CAMTA1: variants seen among roughly 807,000 people sequenced by gnomAD.
CAMTA1 encodes calmodulin-binding transcription activator 1.
Under a neutral mutation model 170.9 loss-of-function variants are expected in CAMTA1, and 27 were observed. The observed-to-expected ratio is 0.16, with a 90% confidence interval of 0.12 to 0.22. CAMTA1 has a LOEUF of 0.22. Ranked by LOEUF, CAMTA1 falls within the 10% of genes least tolerant of loss-of-function variation. The probability of loss-of-function intolerance (pLI) is 1.00; values close to 1 mark genes in which losing one functional copy is unlikely to be tolerated. For missense variants in CAMTA1, 1,619 were observed against 2,217.2 expected, an observed-to-expected ratio of 0.73 and a Z score of 5.42; for synonymous variants, 833 against 891.5, an observed-to-expected ratio of 0.93 and a Z score of 1.17.
intron 6 of CAMTA1, among the ~76,000 whole-genome samples, chr1:7,619,910 T>C: frequency 6.6e-6 from 1 of 152,074 alleles, no homozygotes. Context: ...TCGGGAGAAA[T>C]GAATTTTGAT....
At chr1:7,554,722 G>A (rs887215387) in intron 6 of CAMTA1, among the ~76,000 whole-genome samples, 1 of 152,008 alleles carries the variant, frequency 6.6e-6, no homozygotes, top group Non-Finnish European at 1.5e-5. Context: ...CACAAGCTGG[G>A]TTCTTCCTCC....
intron 5 of CAMTA1, among the ~76,000 whole-genome samples, chr1:7,267,206 T>C (rs2149384047): frequency 6.6e-6 from 1 of 152,294 alleles, no homozygotes; most frequent in Non-Finnish European, 1.5e-5. Flanking sequence ...TTTTTTCCCT[T>C]CTTGGAGTAG....
intron 5 of CAMTA1, among the ~76,000 whole-genome samples, chr1:7,447,339 G>A (rs2092705168): frequency 2.0e-5 from 3 of 151,696 alleles, no homozygotes; most frequent in Admixed American, 2.0e-4. Flanking sequence ...GACACCGTCT[G>A]GAGGGAGAGT....
At chr1:7,433,965 G>GGAC (rs1158498495) in intron 5 of CAMTA1, among the ~76,000 whole-genome samples, 2 of 152,136 alleles carry the variant, frequency 1.3e-5, no homozygotes, top group Non-Finnish European at 2.9e-5. Context: ...GGGCCCTGGT[G>GGAC]GACGGGGAAG....
In CAMTA1 at chr1:7,686,945, A is replaced by C. The variant is rs187577506; in HGVS notation, c.2914+9212A>C. 2.1e-4 allele frequency among the ~76,000 whole-genome samples: 32 copies of C among 152,168 alleles called. 1 individual carries two copies. Among genetic ancestry groups the C allele is most frequent in the Admixed American group, 8.5e-4 (13 of 15,280 alleles). ...TTTCCTGAGATGGAGAAGTCTGAAGAAGCAGCAAACCCAAGGGGATAGGGG... is the reference window on the plus strand; with the variant it reads ...TTTCCTGAGATGGAGAAGTCTGAAGCAGCAGCAAACCCAAGGGGATAGGGG... On this transcript the variant is annotated intron_variant, in intron 11 of 22. Transcript: ENST00000303635.
At chr1:7,538,321 C>T (rs773577671) in intron 6 of CAMTA1, among the ~76,000 whole-genome samples, 1 of 152,044 alleles carries the variant, frequency 6.6e-6, no homozygotes, top group Non-Finnish European at 1.5e-5. Context: ...GTCTCCAGGC[C>T]CCTGCAACTG....
intron 11 of CAMTA1, among the ~76,000 whole-genome samples, chr1:7,720,848 A>T (rs2096645047): frequency 1.3e-5 from 2 of 152,212 alleles, no homozygotes; most frequent in Admixed American, 6.5e-5. Flanking sequence ...GATGGCAGCC[A>T]GCCGGGCAGA....
At position 7,736,299 on chromosome 1, in the gene CAMTA1, A is replaced by G; in HGVS notation, c.3067-45A>G. 3 of 1,558,290 alleles carry G rather than the reference A, an allele frequency of 1.9e-6. No individual in the cohort carries two copies. The highest frequency in any genetic ancestry group is 2.6e-6 in the Non-Finnish European group (3 of 1,136,802). On this transcript the variant is annotated intron_variant, in intron 12 of 22. Transcript: ENST00000303635. This position sits in a 1 kb window ranked among gnomAD's most constrained non-coding sequence, Gnocchi z 4.5. ...CTACATCGAAGCGCTGATGGGGTCG[A>G]GGGCCTTTAGTCCTGAGGTCGTAAC... is the stretch of plus-strand genomic sequence containing the variant.
At chr1:7,555,849 G>A (rs11120972) in intron 6 of CAMTA1, among the ~76,000 whole-genome samples, 94,895 of 151,936 alleles carry the variant, frequency 0.62, 30,902 homozygotes, top group South Asian at 0.76. Flanking sequence ...ACCCAACCAC[G>A]TCCTGCATCT....
chr1:7,723,961 A>T (rs529444567), intron 11 of CAMTA1, among the ~76,000 whole-genome samples: 21 of 152,310 alleles, frequency 1.4e-4, no homozygotes, highest in African/African-American at 4.6e-4. Flanking sequence ...CTGGGATTAC[A>T]GGTGCCCACC....
chr1:7,389,989 A>G (rs552238550), intron 5 of CAMTA1, among the ~76,000 whole-genome samples: 2 of 152,302 alleles, frequency 1.3e-5, no homozygotes, highest in South Asian at 2.1e-4. Flanking sequence ...GATGCTGCAC[A>G]ATAACTTTTA....
intron 17 of CAMTA1, among the ~76,000 whole-genome samples, chr1:7,745,506 A>G (rs2096850812): frequency 1.3e-5 from 2 of 152,204 alleles, no homozygotes; most frequent in Non-Finnish European, 2.9e-5. Flanking sequence ...AGTCTGCGCA[A>G]CAGAGCAAGA....
intron 16 of CAMTA1, among the ~76,000 whole-genome samples, chr1:7,744,107 G>T (rs1259596367): frequency 1.4e-5 from 2 of 143,440 alleles, no homozygotes; most frequent in African/African-American, 5.2e-5. Context: ...GATTACAGGC[G>T]TGAGCCACTG....
chr1:7,121,680 C>T (rs1365904433), intron 4 of CAMTA1, among the ~76,000 whole-genome samples: 3 of 152,240 alleles, frequency 2.0e-5, no homozygotes, highest in African/African-American at 7.2e-5. Flanking sequence ...TGCTCTTCCA[C>T]TGTGCCTGCT....
At chr1:7,551,167 A>C (rs2094796265) in intron 6 of CAMTA1, among the ~76,000 whole-genome samples, 1 of 152,214 alleles carries the variant, frequency 6.6e-6, no homozygotes, top group East Asian at 1.9e-4. Flanking sequence ...TCTCCACCCT[A>C]GCCACCCTGG....
At chr1:6,908,440 T>C (rs958495348) in intron 3 of CAMTA1, among the ~76,000 whole-genome samples, 2 of 152,178 alleles carry the variant, frequency 1.3e-5, no homozygotes, top group Non-Finnish European at 2.9e-5. Flanking sequence ...TCAAGAAGTA[T>C]ATTTAAAGTA....
chr1:7,636,798 C>A (rs2095715854), intron 6 of CAMTA1, among the ~76,000 whole-genome samples: 1 of 151,876 alleles, frequency 6.6e-6, no homozygotes, highest in Non-Finnish European at 1.5e-5. Context: ...AGGGAGGGCA[C>A]AAGCAGGAGG....
intron 21 of CAMTA1, among the ~76,000 whole-genome samples, chr1:7,754,304 C>A (rs2096917073): frequency 6.6e-6 from 1 of 152,222 alleles, no homozygotes; most frequent in African/African-American, 2.4e-5. Context: ...CCACTTCAGA[C>A]AAACCAGAAT....
chr1:7,758,663 C>T (rs529183058), intron 22 of CAMTA1, among the ~76,000 whole-genome samples: 5 of 152,262 alleles, frequency 3.3e-5, no homozygotes, highest in East Asian at 3.9e-4. Context: ...GGGCCGGGCG[C>T]GGTGGCTTAC....
Sources: gnomAD v4.1 joint callset for allele counts (sites outside exome capture counted in the v4.1 genomes callset) on GRCh38, gnomAD v4.1.1 for gene constraint, Gnocchi (gnomAD v3.1) non-coding constraint, MANE v1.5 for transcripts, NCBI Gene and HGNC (gene_info 2026-07-23, HGNC 2026-07-21) for gene names.